The following ARHGAP15 variants were observed in gnomAD, a reference collection of about 807,000 sequenced individuals.
ARHGAP15 encodes the protein Rho GTPase activating protein 15.
In ARHGAP15, 51 loss-of-function variants were observed where a neutral mutation model predicts 63.7. The ratio of observed to expected loss-of-function variants is 0.80; its 90% confidence interval spans 0.64 to 1.01. The LOEUF (loss-of-function observed/expected upper bound fraction) is 1.01, where lower values mean the gene tolerates loss of function less well. Among genes scored for constraint, ARHGAP15 ranks in the 50% least tolerant of loss-of-function variants. The pLI, the probability that ARHGAP15 is intolerant of heterozygous loss-of-function variation, is 0.00. For missense variants in ARHGAP15, 560 were observed against 564.6 expected, an observed-to-expected ratio of 0.99 and a Z score of 0.08; for synonymous variants, 191 against 193.8, an observed-to-expected ratio of 0.99 and a Z score of 0.12.
At chr2:143,138,588 G>C (rs1483240939) in intron 1 of ARHGAP15, among the ~76,000 whole-genome samples, 1 of 152,054 alleles carries the variant, frequency 6.6e-6, no homozygotes, top group Non-Finnish European at 1.5e-5. Context: ...ACGTTCTTTT[G>C]CCTTGGTTTT....
chr2:143,362,790 G>A (rs1237317212), intron 6 of ARHGAP15, among the ~76,000 whole-genome samples: 1 of 152,086 alleles, frequency 6.6e-6, no homozygotes, highest in Non-Finnish European at 1.5e-5. Flanking sequence ...ACACACCCCA[G>A]TCTAAATAAT....
At chr2:143,674,001 A>C (rs1020660321) in intron 12 of ARHGAP15, among the ~76,000 whole-genome samples, 2 of 151,802 alleles carry the variant, frequency 1.3e-5, no homozygotes, top group Non-Finnish European at 2.9e-5. Flanking sequence ...TTAATGTGAA[A>C]TATTGGTGAA....
intron 6 of ARHGAP15, among the ~76,000 whole-genome samples, chr2:143,316,851 C>A (rs1340621226): frequency 6.6e-6 from 1 of 152,030 alleles, no homozygotes; most frequent in Non-Finnish European, 1.5e-5. Context: ...CTTCTATATT[C>A]ACTCCTCTTA....
At chr2:143,212,789 G>A (rs995498416) in intron 3 of ARHGAP15, among the ~76,000 whole-genome samples, 28 of 152,084 alleles carry the variant, frequency 1.8e-4, no homozygotes, top group East Asian at 1.7e-3. Flanking sequence ...TACTTCTTTC[G>A]GCACACTATG....
At chr2:143,344,121 C>T (rs1434700596) in intron 6 of ARHGAP15, 1 of 152,102 alleles carries the variant, frequency 6.6e-6, no homozygotes, top group Non-Finnish European at 1.5e-5. Context: ...GTTCCAAATT[C>T]CCTTTCAATA....
chr2:143,359,602 T>G (rs2105332264), intron 6 of ARHGAP15, among the ~76,000 whole-genome samples: 1 of 152,300 alleles, frequency 6.6e-6, no homozygotes, highest in East Asian at 1.9e-4. Flanking sequence ...TGTAGAAGCT[T>G]CTTTCTCTGC....
intron 6 of ARHGAP15, among the ~76,000 whole-genome samples, chr2:143,365,060 G>GA (rs1686236526): frequency 6.6e-6 from 1 of 152,082 alleles, no homozygotes; most frequent in South Asian, 2.1e-4. Context: ...CAAGACACAG[G>GA]AAAGGAAGGT....
intron 6 of ARHGAP15, among the ~76,000 whole-genome samples, chr2:143,308,093 T>C (rs1480657731): frequency 6.6e-6 from 1 of 152,240 alleles, no homozygotes; most frequent in Middle Eastern, 3.4e-3. Flanking sequence ...ATCCTTCAGA[T>C]GGTAAGCTAT....
intron 13 of ARHGAP15, among the ~76,000 whole-genome samples, chr2:143,762,511 C>CA (rs1230630758): frequency 7.9e-5 from 12 of 152,170 alleles, no homozygotes; most frequent in Admixed American, 7.9e-4. Flanking sequence ...TTAGCTGCTA[C>CA]AGAGCTGTGA....
intron 6 of ARHGAP15, among the ~76,000 whole-genome samples, chr2:143,433,251 T>A (rs977445179): frequency 6.6e-6 from 1 of 152,100 alleles, no homozygotes; most frequent in Non-Finnish European, 1.5e-5. Context: ...ACTACTTTCC[T>A]GTGAGTGACT....
chr2:143,497,121 C>T (rs776037353), intron 9 of ARHGAP15, among the ~76,000 whole-genome samples: 6 of 152,152 alleles, frequency 3.9e-5, no homozygotes, highest in Non-Finnish European at 7.3e-5. Flanking sequence ...CATCTTATGA[C>T]TCTATGCCAT....
At chr2:143,267,849 C>CA (rs969877541) in intron 6 of ARHGAP15, among the ~76,000 whole-genome samples, 7 of 150,412 alleles carry the variant, frequency 4.7e-5, no homozygotes, top group African/African-American at 1.0e-4. Flanking sequence ...ATATTTAGCA[C>CA]AAAAAATATT....
At chr2:143,673,167 C>G (rs1682615976) in intron 12 of ARHGAP15, among the ~76,000 whole-genome samples, 1 of 152,140 alleles carries the variant, frequency 6.6e-6, no homozygotes, top group Non-Finnish European at 1.5e-5. Flanking sequence ...TCTTACTTTA[C>G]AACATATACA....
intron 6 of ARHGAP15, among the ~76,000 whole-genome samples, chr2:143,273,153 C>T (rs1486881209): frequency 6.6e-6 from 1 of 151,876 alleles, no homozygotes; most frequent in Non-Finnish European, 1.5e-5. Context: ...TATTTGTGAA[C>T]ACTATATTAT....
chr2:143,456,854 ATATAATGCATGTATGTC>A (rs1474204689), intron 8 of ARHGAP15, among the ~76,000 whole-genome samples: 3 of 151,894 alleles, frequency 2.0e-5, no homozygotes, highest in Admixed American at 6.6e-5. Context: ...ATTTGTGCAG[ATATAATGCATGTATGTC>A]TATAGTATAT....
At chr2:143,284,277 G>A (rs767554458) in intron 6 of ARHGAP15, among the ~76,000 whole-genome samples, 2 of 152,122 alleles carry the variant, frequency 1.3e-5, no homozygotes, top group African/African-American at 2.4e-5. Flanking sequence ...TTTACTCAGC[G>A]CCACCTAATG....
At chr2:143,754,845 C>T (rs1574930864) in intron 13 of ARHGAP15, among the ~76,000 whole-genome samples, 2 of 152,346 alleles carry the variant, frequency 1.3e-5, no homozygotes, top group South Asian at 4.1e-4. Flanking sequence ...TTGGCTGCAG[C>T]TCTGAGGCCT....
intron 5 of ARHGAP15, among the ~76,000 whole-genome samples, chr2:143,235,352 G>C (rs1225374150): frequency 6.6e-6 from 1 of 151,344 alleles, no homozygotes; most frequent in Non-Finnish European, 1.5e-5. Flanking sequence ...GAGATTTGTA[G>C]GGAGGGAGTG....
intron 9 of ARHGAP15, 46 bp from the exon 10 acceptor site, chr2:143,519,220 A>G: frequency 1.4e-6 from 2 of 1,411,978 alleles, no homozygotes; most frequent in Non-Finnish European, 2.0e-6. Context: ...TTAAAGAACA[A>G]CGCAAGCTTG....
Sources: gnomAD v4.1 joint callset for allele counts (sites outside exome capture counted in the v4.1 genomes callset) on GRCh38, gnomAD v4.1.1 for gene constraint, MANE v1.5 for transcripts, NCBI Gene and HGNC (gene_info 2026-07-23, HGNC 2026-07-21) for gene names.